Variants in DOCK4 observed in about 807,000 individuals in gnomAD.
The protein encoded by DOCK4 is dedicator of cytokinesis 4, also known as dedicator of cytokinesis protein 4.
In DOCK4, 97 loss-of-function variants were observed where a neutral mutation model predicts 268.1. That is an observed-to-expected ratio of 0.36 (90% CI 0.31 to 0.43). DOCK4 has a LOEUF of 0.43. Among genes scored for constraint, DOCK4 ranks in the 20% least tolerant of loss-of-function variants. The probability of loss-of-function intolerance (pLI) is 1.00; values close to 1 mark genes in which losing one functional copy is unlikely to be tolerated. For missense variants in DOCK4, 2,145 were observed against 2,455.7 expected (o/e 0.87, Z 2.67); for synonymous variants, 954 against 887.2 (o/e 1.08, Z -1.34).
In DOCK4 at chr7:112,158,331, T is replaced by C. The variant is rs182842835; in HGVS notation, c.37+47771A>G. 1.4e-3 allele frequency among the ~76,000 whole-genome samples: 216 copies of C among 152,378 alleles called. 1 individual carries two copies. Among genetic ancestry groups the C allele is most frequent in the Middle Eastern group, 3.4e-3 (1 of 294 alleles). On this transcript the variant is annotated intron_variant, in intron 1 of 52. Transcript: ENST00000428084. The stretch of plus-strand genomic sequence containing the variant: ...CCTAGCACCTATTGCTTATACATAG[T>C]ATGAATTTCCAATAAATACTTTTTG...
At chr7:112,094,374 T>C (rs1474739670) in intron 1 of DOCK4, among the ~76,000 whole-genome samples, 1 of 152,230 alleles carries the variant, frequency 6.6e-6, no homozygotes, top group Non-Finnish European at 1.5e-5. Flanking sequence ...ATGATAGTTA[T>C]ATCAAATCGA....
chr7:111,994,121 A>G lies in DOCK4; in HGVS notation c.315+14T>C, dbSNP rs1259661436. On this transcript the variant is annotated intron_variant, in intron 5 of 52. Coordinates refer to ENST00000428084, the MANE Select transcript of DOCK4 (RefSeq NM_001363540.2). The stretch of plus-strand genomic sequence containing the variant: ...CTTTACCCGAAAAATCGTGTCATTA[A>G]AAAGCTACTTAACCACATAGAGTTG... The G allele has an allele frequency of 6.5e-7, 1 of 1,542,906 alleles. No homozygotes were observed. The highest frequency in any genetic ancestry group is 8.8e-7 in the Non-Finnish European group (1 of 1,134,540).
chr7:111,787,231 G>A (rs952612543), intron 32 of DOCK4, among the ~76,000 whole-genome samples: 2 of 152,124 alleles, frequency 1.3e-5, no homozygotes, highest in Non-Finnish European at 2.9e-5. Flanking sequence ...AATCTCAAGA[G>A]ATTCATTTCA....
intron 26 of DOCK4, among the ~76,000 whole-genome samples, chr7:111,827,023 G>A (rs1802453755): frequency 6.6e-6 from 1 of 152,094 alleles, no homozygotes; most frequent in African/African-American, 2.4e-5. Context: ...AAAGCATCAT[G>A]AGGCTGCTAC....
intron 11 of DOCK4, among the ~76,000 whole-genome samples, chr7:111,937,478 A>G (rs964731556): frequency 2.0e-5 from 3 of 152,214 alleles, no homozygotes; most frequent in Non-Finnish European, 2.9e-5. Context: ...ATTTGTCTTC[A>G]TGAGTGTGAC....
At chr7:112,000,984 G>A (rs866197083) in intron 2 of DOCK4, among the ~76,000 whole-genome samples, 4 of 152,042 alleles carry the variant, frequency 2.6e-5, no homozygotes, top group Non-Finnish European at 5.9e-5. Context: ...GACTACAAAC[G>A]CCAGACTCTG....
At chr7:111,908,489 G>T (rs1791804454) in intron 13 of DOCK4, among the ~76,000 whole-genome samples, 1 of 126,544 alleles carries the variant, frequency 7.9e-6, no homozygotes, top group Non-Finnish European at 1.7e-5. Context: ...TAATGAAATT[G>T]CTTACTTCTC....
chr7:112,202,249 A>G (rs915146597), intron 1 of DOCK4, among the ~76,000 whole-genome samples: 6 of 152,220 alleles, frequency 3.9e-5, no homozygotes, highest in African/African-American at 1.4e-4. Context: ...TTTTTAGTTC[A>G]TTGAAGGTCC....
intron 41 of DOCK4, among the ~76,000 whole-genome samples, chr7:111,757,622 G>T (rs1585891847): frequency 3.3e-5 from 5 of 152,042 alleles, no homozygotes; most frequent in Admixed American, 1.3e-4. Context: ...GGGCACAAGG[G>T]ACTGCTCTTT....
chr7:111,760,460 C>T (rs1179828948), intron 39 of DOCK4, 138 bp from the exon 40 acceptor site: 2 of 910,782 alleles, frequency 2.2e-6, no homozygotes, highest in Non-Finnish European at 3.3e-6. Flanking sequence ...CTGGAACAAT[C>T]TGAAAAGTTT....
rs1049150983 is a variant in DOCK4 at position 112,152,672 on chromosome 7, G to T, written c.37+53430C>A. Among the ~76,000 whole-genome samples the T allele has an allele frequency of 2.0e-5, 3 of 152,002 alleles. No individual in the cohort carries two copies. In the East Asian group the frequency reaches 5.8e-4, roughly 29 times the overall value. On this transcript the variant is annotated intron_variant, in intron 1 of 52. Coordinates refer to ENST00000428084, the MANE Select transcript of DOCK4 (RefSeq NM_001363540.2). ...GTTCTTGTTTGTTTGTTTTTGTAGC[G>T]ACGGGGGTCTTGCTATGTTGCTGAG...
intron 1 of DOCK4, among the ~76,000 whole-genome samples, chr7:112,164,694 G>T (rs1817433314): frequency 6.6e-6 from 1 of 152,172 alleles, no homozygotes; most frequent in Non-Finnish European, 1.5e-5. Context: ...CCTTTCTGGG[G>T]CATTAAGTAT....
At chr7:111,755,274 G>GT (rs56296782) in intron 42 of DOCK4, among the ~76,000 whole-genome samples, 8,298 of 152,154 alleles carry the variant, frequency 0.055, 288 homozygotes, top group African/African-American at 0.076. Flanking sequence ...GGCCTGAATA[G>GT]TTTTTTTACA....
At chr7:111,989,260 C>T in intron 5 of DOCK4, 97 bp from the exon 6 acceptor site, 2 of 1,512,426 alleles carry the variant, frequency 1.3e-6, no homozygotes, top group South Asian at 1.2e-5. Flanking sequence ...TCTGGTTACC[C>T]ACTATGTGCT....
chr7:111,751,114 C>T (rs1023277524), intron 42 of DOCK4, among the ~76,000 whole-genome samples: 2 of 152,152 alleles, frequency 1.3e-5, no homozygotes, highest in African/African-American at 2.4e-5. Context: ...CACACACACA[C>T]GACAACCAGT....
At chr7:112,130,215 G>A (rs942719708) in intron 1 of DOCK4, among the ~76,000 whole-genome samples, 5 of 152,096 alleles carry the variant, frequency 3.3e-5, no homozygotes, top group South Asian at 2.1e-4. Context: ...GGATGAGGAC[G>A]GGGGCTGTGT....
intron 1 of DOCK4, among the ~76,000 whole-genome samples, chr7:112,189,605 A>T (rs568122942): frequency 2.0e-5 from 3 of 152,234 alleles, no homozygotes; most frequent in Non-Finnish European, 4.4e-5. Context: ...ACAATTTATT[A>T]TGTAGCAAAT....
chr7:111,988,046 T>C (rs1799187691), intron 6 of DOCK4, among the ~76,000 whole-genome samples: 1 of 152,180 alleles, frequency 6.6e-6, no homozygotes, highest in Non-Finnish European at 1.5e-5. Flanking sequence ...TGATTTCCTA[T>C]GGTAATGGGA....
intron 1 of DOCK4, among the ~76,000 whole-genome samples, chr7:112,010,257 A>G (rs1801181612): frequency 6.6e-6 from 1 of 152,126 alleles, no homozygotes; most frequent in Non-Finnish European, 1.5e-5. Context: ...AAAACACATC[A>G]GTAGTCTATT....
Sources: gnomAD v4.1 joint callset for allele counts (sites outside exome capture counted in the v4.1 genomes callset) on GRCh38, gnomAD v4.1.1 for gene constraint, MANE v1.5 for transcripts, NCBI Gene and HGNC (gene_info 2026-07-23, HGNC 2026-07-21) for gene names.